ARMCX3: variants seen among roughly 807,000 people sequenced by gnomAD.
ARMCX3 encodes armadillo repeat-containing X-linked protein 3.
A neutral mutation model predicts 12.6 loss-of-function variants in ARMCX3; 3 were observed. That is an observed-to-expected ratio of 0.24 (90% CI 0.11 to 0.61). The LOEUF (loss-of-function observed/expected upper bound fraction) is 0.61. Among genes scored for constraint, ARMCX3 ranks in the 20% least tolerant of loss-of-function variants. The probability of loss-of-function intolerance (pLI) is 0.88; values close to 1 mark genes in which losing one functional copy is unlikely to be tolerated. For synonymous variants in ARMCX3, 102 were observed against 103.1 expected (o/e 0.99, Z 0.06); for missense variants, 204 against 286.1 (o/e 0.71, Z 2.07).
Position 101,623,909 on chromosome X carries a change from G to T in ARMCX3, c.-279+16G>T, listed in dbSNP as rs1370354245. The stretch of plus-strand genomic sequence containing the variant: ...CGATTTGAGGGTAAGACCATCTGGG[G>T]ACCCTAGGAGGGACGGGGGTGGCGG... On this transcript the variant is annotated intron_variant, in intron 2 of 4. Coordinates refer to ENST00000471229, the MANE Select transcript of ARMCX3 (RefSeq NM_177947.3). The T allele has an allele frequency of 1.0e-5, 1 of 98,888 alleles. No individual in the cohort carries two copies. Among genetic ancestry groups the T allele is most frequent in the African/African-American group, 3.7e-5 (1 of 27,031 alleles). The allele number at this position is 98,888 out of a possible 1,213,427, so 8.1% of individuals were successfully genotyped here.
Position 101,625,654 on chromosome X carries a change from G to A in ARMCX3, c.675G>A (p.Leu225=). 1 of 1,192,694 alleles carries A rather than the reference G, an allele frequency of 8.4e-7. No homozygotes were observed. The highest frequency in any genetic ancestry group is 1.1e-6 in the Non-Finnish European group (1 of 886,894). ...ACTCATCTGTGCAGCTTGCTGGACT[G>A]AGATTGCTTACAAATATGACTGTTA... ...RLNSSVQLAG[L]RLLTNMTVTN... Residue 225 remains leucine, a synonymous_variant, in exon 5 of 5, where the codon CTG becomes CTA. Transcript: ENST00000471229.
chrX:101,627,060 C>A lies in ARMCX3; in HGVS notation c.*941C>A, dbSNP rs1412662148. 8.1e-6 allele frequency: 1 copy of A among 122,980 alleles called. No homozygotes were observed. Among genetic ancestry groups the A allele is most frequent in the Non-Finnish European group, 1.9e-5 (1 of 53,190 alleles). 10.1% of individuals were successfully genotyped at this position (122,980 alleles called of 1,213,427 possible). On this transcript the variant is annotated 3_prime_UTR_variant, in exon 5 of 5. Transcript: ENST00000471229. ...AGCCTTAAACTATGTAAACCCTTGT[C>A]CTAAGGAAGTAATTGAATAATTGCC...
rs782488699 is a variant in ARMCX3 at position 101,627,427 on chromosome X, T to C, written c.*1308T>C. ...TGGGTAGAAGAATAATGAGTGATCT[T>C]TACTTTTTTACTTTTTATTCATCTT... is the stretch of plus-strand genomic sequence containing the variant. On this transcript the variant is annotated 3_prime_UTR_variant, in exon 5 of 5. Transcript: ENST00000471229. The C allele has an allele frequency of 1.6e-5, 2 of 123,788 alleles. No homozygotes were observed. The highest frequency in any genetic ancestry group is 9.4e-5 in the Admixed American group (1 of 10,674). The allele number at this position is 123,788 out of a possible 1,213,427, so 10.2% of individuals were successfully genotyped here. A position where few individuals can be genotyped will look rare whatever the true frequency, so the allele number is the denominator to read the frequency against.
chrX:101,624,976 T>C lies in ARMCX3; in HGVS notation c.-4T>C, dbSNP rs920405923. 2.7e-6 allele frequency: 3 copies of C among 1,124,704 alleles called. No individual in the cohort carries two copies. In the African/African-American group the frequency reaches 5.6e-5, roughly 21 times the overall value. 92.7% of individuals were successfully genotyped at this position (1,124,704 alleles called of 1,213,427 possible). A position where few individuals can be genotyped will look rare whatever the true frequency, so the allele number is the denominator to read the frequency against. ...TGGTCCCTGCTATTGTCGGGGACGA[T>C]TGCATGGGCTACGCCAGGAAAGTAG... On this transcript the variant is annotated 5_prime_UTR_variant, in exon 5 of 5. Coordinates refer to ENST00000471229, the MANE Select transcript of ARMCX3 (RefSeq NM_177947.3).
rs1556038212 is a variant in ARMCX3 at position 101,624,935 on chromosome X, T to C, written c.-45T>C. 9.3e-7 allele frequency: 1 copy of C among 1,070,964 alleles called. No homozygotes were observed. Among genetic ancestry groups the C allele is most frequent in the Admixed American group, 3.5e-5 (1 of 28,762 alleles). The allele number at this position is 1,070,964 out of a possible 1,213,427, so 88.3% of individuals were successfully genotyped here. ...CACAGCCTTCCTCCCCCAGCCTGAG[T>C]GACTACTCTATTCCTTGGTCCCTGC... On this transcript the variant is annotated 5_prime_UTR_variant, in exon 5 of 5. Coordinates refer to ENST00000471229, the MANE Select transcript of ARMCX3 (RefSeq NM_177947.3).
At position 101,626,089 on chromosome X, in the gene ARMCX3, T is replaced by C. The variant is rs61740828; in HGVS notation, c.1110T>C (p.Ala370=). The C allele has an allele frequency of 1.1e-5, 13 of 1,183,165 alleles. No homozygotes were observed. In the African/African-American group the frequency reaches 2.3e-4, roughly 21 times the overall value. ...VKVGKFMAKL[A]EHMFPKSQE ...TTGGAAAATTCATGGCCAAACTTGC[T>C]GAACATATGTTCCCAAAGAGCCAGG... The change falls in exon 5 of 5, where the codon GCT becomes GCC. Residue 370 remains alanine (A), a synonymous_variant. Transcript: ENST00000471229.
In ARMCX3 at chrX:101,624,150, T is replaced by A. The variant is rs1337715132; in HGVS notation, c.-278-8T>A. The A allele has an allele frequency of 9.1e-6, 1 of 110,232 alleles. No individual in the cohort carries two copies. The highest frequency in any genetic ancestry group is 1.9e-5 in the Non-Finnish European group (1 of 52,647). The allele number at this position is 110,232 out of a possible 1,213,427, so 9.1% of individuals were successfully genotyped here. The stretch of plus-strand genomic sequence containing the variant: ...TACTCTCCATGTTTTCGATCTGTCA[T>A]CCTGCAGGTCTGCTGTAGCAGGTGG... On this transcript the variant is annotated splice_region_variant and splice_polypyrimidine_tract_variant and intron_variant, in intron 2 of 4. Coordinates refer to ENST00000471229, the MANE Select transcript of ARMCX3 (RefSeq NM_177947.3).
rs1556037833 is a variant in ARMCX3, at chrX:101,623,215, G to C, written c.-420G>C. ...ACCAGCTCCCCACTGCCCTGAGGGC[G>C]GGCCGGCCTGCGGCGGAGGGAAAAA... On this transcript the variant is annotated 5_prime_UTR_variant, in exon 1 of 5. Transcript: ENST00000471229. 1 of 113,349 alleles carries C rather than the reference G, an allele frequency of 8.8e-6. No homozygotes were observed. Among genetic ancestry groups the C allele is most frequent in the East Asian group, 2.8e-4 (1 of 3,594 alleles). The allele number at this position is 113,349 out of a possible 1,213,427, so 9.3% of individuals were successfully genotyped here. A position where few individuals can be genotyped will look rare whatever the true frequency, so the allele number is the denominator to read the frequency against.
At position 101,625,469 on chromosome X, in the gene ARMCX3, G is replaced by A; in HGVS notation, c.490G>A (p.Gly164Ser). ...CAGAGATATTATTCGTGATCTGGGT[G>A]GTCTCCCAATTGTCGCAAAGATTCT... The part of the protein sequence containing the change: ...FNRDIIRDLG[G>S]LPIVAKILNT... Residue 164 changes from glycine to serine, a missense_variant, in exon 5 of 5, where the codon GGT becomes AGT. Gly to Ser is a moderately conservative substitution (Grantham distance 56). Coordinates refer to ENST00000471229, the MANE Select transcript of ARMCX3 (RefSeq NM_177947.3). 8.3e-7 allele frequency: 1 copy of A among 1,208,857 alleles called. No individual in the cohort carries two copies. The highest frequency in any genetic ancestry group is 1.1e-6 in the Non-Finnish European group (1 of 894,133).
At position 101,625,547 on chromosome X, in the gene ARMCX3, T is replaced by C; in HGVS notation, c.568T>C (p.Leu190=). The C allele has an allele frequency of 8.3e-6, 10 of 1,208,164 alleles. No homozygotes were observed. In the Middle Eastern group the frequency reaches 2.3e-3, roughly 280 times the overall value. ...AAAGGCTTTAATTGTCCTGAATAAC[T>C]TGAGTGTGAATGCTGAAAATCAGCG... is the stretch of plus-strand genomic sequence containing the variant. ...KEKALIVLNN[L]SVNAENQRRL... The change falls in exon 5 of 5, where the codon TTG becomes CTG. Residue 190 remains leucine (L), a synonymous_variant. Transcript: ENST00000471229.
Sources: gnomAD v4.1 joint callset for allele counts on GRCh38, gnomAD v4.1.1 for gene constraint, MANE v1.5 for transcripts, NCBI Gene and HGNC (gene_info 2026-07-23, HGNC 2026-07-21) for gene names.